Variants in SGTA observed in about 807,000 individuals in gnomAD.
The protein encoded by SGTA is small glutamine-rich tetratricopeptide repeat-containing protein alpha.
SGTA carries 22 observed loss-of-function variants against 44.3 expected under a neutral mutation model. The observed-to-expected ratio is 0.50, with a 90% CI of 0.36 to 0.71. The LOEUF (loss-of-function observed/expected upper bound fraction) is 0.71. SGTA is among the 30% of genes least tolerant of loss of function. The pLI is 0.00. For synonymous variants in SGTA, 174 were observed against 177.6 expected (o/e 0.98, Z 0.16); for missense variants, 341 against 435.9 (o/e 0.78, Z 1.94).
At chr19:2,780,412 G>A (rs943665080) in intron 1 of SGTA, among the ~76,000 whole-genome samples, 4 of 152,128 alleles carry the variant, frequency 2.6e-5, no homozygotes, top group African/African-American at 9.7e-5. Flanking sequence ...ATGCCACCAG[G>A]AGATCGCTGC....
Position 2,755,399 on chromosome 19 carries a change from A to C in SGTA, c.*541T>G. 1.0e-6 allele frequency: 1 copy of C among 987,690 alleles called. No homozygotes were observed. The highest frequency in any genetic ancestry group is 4.7e-5 in the South Asian group (1 of 21,388). The allele number at this position is 987,690 out of a possible 1,614,324, so 61.2% of individuals were successfully genotyped here. A position where few individuals can be genotyped will look rare whatever the true frequency, so the allele number is the denominator to read the frequency against. ...GGTGTCTGCCACTAAAGAGTTCCTC[A>C]TGCAAACACACATGGCCCGCGGTGC... is the stretch of plus-strand genomic sequence containing the variant. On this transcript the variant is annotated 3_prime_UTR_variant, in exon 12 of 12. Transcript: ENST00000221566. This position sits in a 1 kb window ranked among gnomAD's most constrained non-coding sequence, Gnocchi z 5.2.
Position 2,763,581 on chromosome 19 carries a change from A to C in SGTA, c.497+72T>G. The C allele has an allele frequency of 9.4e-7, 1 of 1,062,856 alleles. No homozygotes were observed. The highest frequency in any genetic ancestry group is 1.4e-6 in the Non-Finnish European group (1 of 721,734). 65.8% of individuals were successfully genotyped at this position (1,062,856 alleles called of 1,614,324 possible). A position where few individuals can be genotyped will look rare whatever the true frequency, so the allele number is the denominator to read the frequency against. ...TTGTGGGTGGGAAAAAAGCCACACAAGAGAGGAAGCAGGAGCAGGAGAGGA... is the reference window on the plus strand; with the variant it reads ...TTGTGGGTGGGAAAAAAGCCACACACGAGAGGAAGCAGGAGCAGGAGAGGA... On this transcript the variant is annotated intron_variant, in intron 6 of 11. Transcript: ENST00000221566. This position sits in a 1 kb window ranked among gnomAD's most constrained non-coding sequence, Gnocchi z 5.8.
chr19:2,761,676 A>G lies in SGTA; in HGVS notation c.637-154T>C, dbSNP rs1156782769. On this transcript the variant is annotated intron_variant, in intron 7 of 11. Coordinates refer to ENST00000221566, the MANE Select transcript of SGTA (RefSeq NM_003021.4). The surrounding 1 kb of genome is among the most constrained non-coding windows in gnomAD (Gnocchi z 5.7). ...CTTTGAGGCAGGCAGCACGAAGCAC[A>G]TCGCAACCGCCCGGGGACGGCACAG... Among the ~76,000 whole-genome samples the G allele has an allele frequency of 6.6e-6, 1 of 152,098 alleles. No homozygotes were observed. The highest frequency in any genetic ancestry group is 1.5e-5 in the Non-Finnish European group (1 of 68,000).
At chr19:2,774,456 C>T (rs866226878) in intron 1 of SGTA, among the ~76,000 whole-genome samples, 10 of 152,280 alleles carry the variant, frequency 6.6e-5, no homozygotes, top group Admixed American at 2.6e-4. Context: ...TATAAGAAAA[C>T]GACACTTCCT....
Position 2,761,565 on chromosome 19 carries a change from G to A in SGTA, c.637-43C>T, listed in dbSNP as rs191287001. On this transcript the variant is annotated intron_variant, in intron 7 of 11. Transcript: ENST00000221566. The surrounding 1 kb of genome is among the most constrained non-coding windows in gnomAD (Gnocchi z 5.7). Reference sequence around the variant, plus strand: ...CCTGGTTAGTGGGGCCTGGACCAGAGGCCACGGTGAATAACCCCCTGGAAC... The same window carrying A: ...CCTGGTTAGTGGGGCCTGGACCAGAAGCCACGGTGAATAACCCCCTGGAAC... 86 of 1,490,892 alleles carry A rather than the reference G, an allele frequency of 5.8e-5. No individual in the cohort carries two copies. In the African/African-American group the frequency reaches 1.1e-3, roughly 19 times the overall value. 92.4% of individuals were successfully genotyped at this position (1,490,892 alleles called of 1,614,324 possible). A position where few individuals can be genotyped will look rare whatever the true frequency, so the allele number is the denominator to read the frequency against.
Position 2,767,192 on chromosome 19 carries a change from G to A in SGTA, c.236C>T (p.Ala79Val), listed in dbSNP as rs200537389. The change falls in exon 4 of 12, where the codon GCG becomes GTG. Residue 79 changes from alanine (A) to valine (V), a missense_variant. Transcript: ENST00000221566. This position sits in a 1 kb window ranked among gnomAD's most constrained non-coding sequence, Gnocchi z 7.3. The part of the protein sequence containing the change: ...KEMPQDLRSP[A>V]RTPPSEEDSA... Reference sequence around the variant, plus strand: ...GTCCTCCTCGGAAGGCGGGGTTCGCGCGGGGCTCCTCAGGTCCTGCGGCAT... The same window carrying A: ...GTCCTCCTCGGAAGGCGGGGTTCGCACGGGGCTCCTCAGGTCCTGCGGCAT... 89 of 1,612,310 alleles carry A rather than the reference G, an allele frequency of 5.5e-5. No individual in the cohort carries two copies. Among genetic ancestry groups the A allele is most frequent in the African/African-American group, 5.5e-4 (41 of 75,024 alleles).
At chr19:2,771,910 C>T (rs756898436) in intron 1 of SGTA, among the ~76,000 whole-genome samples, 11 of 152,356 alleles carry the variant, frequency 7.2e-5, no homozygotes, top group African/African-American at 1.7e-4. Context: ...CTGCTCCTTC[C>T]GGGCTGGGCT....
At chr19:2,760,329 A>C (rs998606614) in intron 8 of SGTA, among the ~76,000 whole-genome samples, 2 of 151,744 alleles carry the variant, frequency 1.3e-5, no homozygotes, top group Admixed American at 1.3e-4. Flanking sequence ...CCAGCCTGGC[A>C]AACATGGTGA....
At chr19:2,774,962 G>A (rs573971162) in intron 1 of SGTA, among the ~76,000 whole-genome samples, 4 of 152,304 alleles carry the variant, frequency 2.6e-5, no homozygotes, top group South Asian at 4.1e-4. Flanking sequence ...CACATGGAGT[G>A]GGGGGAGGCC....
intron 1 of SGTA, among the ~76,000 whole-genome samples, chr19:2,776,362 C>A (rs73522740): frequency 1.3e-5 from 2 of 152,224 alleles, no homozygotes; most frequent in South Asian, 4.1e-4. Context: ...CGGAACGCTA[C>A]GCAGCCATGA....
chr19:2,780,463 T>A (rs879514792), intron 1 of SGTA, among the ~76,000 whole-genome samples: 1 of 151,910 alleles, frequency 6.6e-6, no homozygotes, highest in Admixed American at 6.6e-5. Flanking sequence ...ACCCCAGGAG[T>A]GTGCATAGGA....
At chr19:2,766,652 G>A (rs752811940) in intron 4 of SGTA, among the ~76,000 whole-genome samples, 2 of 151,940 alleles carry the variant, frequency 1.3e-5, no homozygotes, top group African/African-American at 2.4e-5. Flanking sequence ...CCCAGGCTAG[G>A]CTTGAACTCC....
intron 1 of SGTA, among the ~76,000 whole-genome samples, chr19:2,769,480 C>T (rs1405706181): frequency 6.6e-6 from 1 of 152,210 alleles, no homozygotes; most frequent in Non-Finnish European, 1.5e-5. Flanking sequence ...CCCAGGACAG[C>T]TCCACTCCAG....
Position 2,767,351 on chromosome 19 carries a change from T to C in SGTA, c.208-131A>G, listed in dbSNP as rs1166201401. 10 of 754,154 alleles carry C rather than the reference T, an allele frequency of 1.3e-5. No individual in the cohort carries two copies. The Admixed American group carries it at 1.9e-4, about 14-fold the overall frequency. 46.7% of individuals were successfully genotyped at this position (754,154 alleles called of 1,614,324 possible). A position where few individuals can be genotyped will look rare whatever the true frequency, so the allele number is the denominator to read the frequency against. ...ACCCGGGGGCTCTGCAGGGGACTCC[T>C]GGCCCCCCATCATGTGGCCCTGGGC... On this transcript the variant is annotated intron_variant, in intron 3 of 11. Transcript: ENST00000221566. The surrounding 1 kb of genome is among the most constrained non-coding windows in gnomAD (Gnocchi z 7.3).
At chr19:2,772,444 G>C (rs898964851) in intron 1 of SGTA, among the ~76,000 whole-genome samples, 2 of 152,226 alleles carry the variant, frequency 1.3e-5, no homozygotes, top group Non-Finnish European at 2.9e-5. Flanking sequence ...CAGTGCAAGG[G>C]GTCTCTGCCG....
At chr19:2,762,378 A>C in intron 7 of SGTA, 128 bp downstream of exon 7, 1 of 902,934 alleles carries the variant, frequency 1.1e-6, no homozygotes, top group Non-Finnish European at 1.7e-6. Context: ...CTCACCACCA[A>C]CTGAAACAAA....
chr19:2,759,340 A>G (rs375098140), intron 8 of SGTA, 46 bp from the exon 9 acceptor site: 6 of 1,577,388 alleles, frequency 3.8e-6, no homozygotes, highest in Middle Eastern at 1.7e-4. Context: ...CTCCCAGCGC[A>G]TCATTCTCTT....
In SGTA at chr19:2,755,861, A is replaced by C. The variant is rs755220672; in HGVS notation, c.*79T>G. ...CTTCCCCTCTCTCAGGCAGTCCAAC[A>C]GGAGGAAGTGGCAGACAACCAGAAG... On this transcript the variant is annotated 3_prime_UTR_variant, in exon 12 of 12. Transcript: ENST00000221566. This position sits in a 1 kb window ranked among gnomAD's most constrained non-coding sequence, Gnocchi z 5.2. 1.0e-6 allele frequency: 1 copy of C among 985,526 alleles called. No individual in the cohort carries two copies. The highest frequency in any genetic ancestry group is 1.2e-6 in the Non-Finnish European group (1 of 830,070). The allele number at this position is 985,526 out of a possible 1,614,324, so 61.0% of individuals were successfully genotyped here.
At chr19:2,773,930 AC>A (rs2144737353) in intron 1 of SGTA, among the ~76,000 whole-genome samples, 1 of 108,076 alleles carries the variant, frequency 9.3e-6, no homozygotes, top group Non-Finnish European at 1.7e-5. Flanking sequence ...ACGCGGCCAC[AC>A]GGCAGGGACT....
Sources: gnomAD v4.1 joint callset for allele counts (sites outside exome capture counted in the v4.1 genomes callset) on GRCh38, gnomAD v4.1.1 for gene constraint, Gnocchi (gnomAD v3.1) non-coding constraint, MANE v1.5 for transcripts, NCBI Gene and HGNC (gene_info 2026-07-23, HGNC 2026-07-21) for gene names.